Variants in ZNF518A observed in about 807,000 individuals in gnomAD.
The protein encoded by ZNF518A is zinc finger protein 518.
In ZNF518A, 47 loss-of-function variants were observed where a neutral mutation model predicts 102.7. The ratio of observed to expected loss-of-function variants is 0.46; its 90% CI spans 0.36 to 0.58. The LOEUF is 0.58. Among genes scored for constraint, ZNF518A ranks in the 20% least tolerant of loss-of-function variants. The pLI, the probability that ZNF518A is intolerant of heterozygous loss-of-function variation, is 0.00. For synonymous variants in ZNF518A, 652 were observed against 594.6 expected, an observed-to-expected ratio of 1.10 and a Z score of -1.40; for missense variants, 1,793 against 1,699.8, an observed-to-expected ratio of 1.05 and a Z score of -0.96.
chr10:96,159,657 C>A lies in ZNF518A; in HGVS notation c.3335C>A (p.Pro1112Gln). ...KQAVFLKCVM[P>Q]NKTELLKPKL... ...GCTGTTTTTTTAAAGTGTGTGATGCCAAATAAAACTGAGCTGCTTAAGCCC... is the reference window on the plus strand; with the variant it reads ...GCTGTTTTTTTAAAGTGTGTGATGCAAAATAAAACTGAGCTGCTTAAGCCC... The change falls in exon 6 of 6, where the codon CCA becomes CAA. Residue 1112 changes from proline (P) to glutamine (Q), a missense_variant. By Grantham distance (76) the Pro-to-Gln change is moderately conservative. Around this residue, in one of 3 missense-constraint regions of ZNF518A, gnomAD observed 1,741 missense variants for 1,622.6 expected, o/e 1.07. Transcript: ENST00000316045. 1.2e-6 allele frequency: 2 copies of A among 1,613,522 alleles called. No individual in the cohort carries two copies. Among genetic ancestry groups the A allele is most frequent in the Non-Finnish European group, 1.7e-6 (2 of 1,179,764 alleles).
At chr10:96,134,699 A>G (rs17476713) in intron 3 of ZNF518A, among the ~76,000 whole-genome samples, 7,756 of 152,246 alleles carry the variant, frequency 0.051, 274 homozygotes, top group Middle Eastern at 0.085. Context: ...TATCTTGAAA[A>G]CTTGTGAGCA....
At chr10:96,135,614 G>A (rs1554874165) in intron 3 of ZNF518A, among the ~76,000 whole-genome samples, 1 of 152,132 alleles carries the variant, frequency 6.6e-6, no homozygotes, top group African/African-American at 2.4e-5. Flanking sequence ...GCCTGGATAG[G>A]CAAGATTATA....
exon 3 of ZNF518A, chr10:96,204,017 G>A (rs963592131): frequency 1.0e-5 from 16 of 1,578,854 alleles, no homozygotes; most frequent in Admixed American, 3.3e-5. Flanking sequence ...ATCCAGCCTC[G>A]ACCACTCCCT....
chr10:96,202,703 G>A (rs1278219436), intron 1 of ZNF518A, among the ~76,000 whole-genome samples: 1 of 152,202 alleles, frequency 6.6e-6, no homozygotes, highest in Non-Finnish European at 1.5e-5. Flanking sequence ...TCCCAGGTGA[G>A]AGCAGCAAAG....
Position 96,158,480 on chromosome 10 carries a change from T to C in ZNF518A, c.2158T>C (p.Tyr720His). The C allele has an allele frequency of 1.2e-6, 2 of 1,612,722 alleles. No homozygotes were observed. The highest frequency in any genetic ancestry group is 4.5e-5 in the East Asian group (2 of 44,872). The part of the protein sequence containing the change: ...LKAKSEIEEQ[Y>H]VLEKGQNIDG... Reference sequence around the variant, plus strand: ...AGCAAAATCTGAAATTGAAGAACAGTATGTTTTAGAAAAAGGACAAAACAT... The same window carrying C: ...AGCAAAATCTGAAATTGAAGAACAGCATGTTTTAGAAAAAGGACAAAACAT... The change falls in exon 6 of 6, where the codon TAT becomes CAT. Residue 720 changes from tyrosine to histidine, a missense_variant. Physicochemically the swap from Tyr to His is moderately conservative, Grantham distance 83. Around this residue, in one of 3 missense-constraint regions of ZNF518A, gnomAD observed 1,741 missense variants for 1,622.6 expected, o/e 1.07. Coordinates refer to ENST00000316045, the MANE Select transcript of ZNF518A (RefSeq NM_001330736.2).
downstream of ZNF518A, among the ~76,000 whole-genome samples, chr10:96,165,663 C>T (rs1197655718): frequency 6.6e-6 from 1 of 152,134 alleles, no homozygotes; most frequent in Non-Finnish European, 1.5e-5. Context: ...GTGGTTTGGG[C>T]ATTCACTGAA....
chr10:96,155,534 C>T (rs905897834), intron 4 of ZNF518A, 158 bp downstream of exon 4: 2 of 152,204 alleles, frequency 1.3e-5, no homozygotes, highest in Non-Finnish European at 2.9e-5. Flanking sequence ...GACTTTAGGA[C>T]TACACTAGGG....
intron 4 of ZNF518A, 115 bp downstream of exon 4, chr10:96,155,491 A>G (rs2082655966): frequency 6.6e-6 from 1 of 152,226 alleles, no homozygotes; most frequent in Non-Finnish European, 1.5e-5. Context: ...TATAGCCAAA[A>G]TGGTAGGGAA....
At chr10:96,196,834 C>T in intron 1 of ZNF518A, 1 of 1,429,398 alleles carries the variant, frequency 7.0e-7, no homozygotes, top group Non-Finnish European at 9.8e-7. Flanking sequence ...TCATCTCTAG[C>T]ATCTAATACA....
chr10:96,163,826 C>G (rs1196920731), downstream of ZNF518A: 7 of 166,692 alleles, frequency 4.2e-5, no homozygotes, highest in African/African-American at 1.7e-4. Flanking sequence ...TCCCTAGAGT[C>G]TGCTTTCAGA....
intron 3 of ZNF518A, among the ~76,000 whole-genome samples, chr10:96,140,883 A>G (rs79967553): frequency 1.3e-3 from 204 of 152,232 alleles, no homozygotes; most frequent in African/African-American, 4.7e-3. Context: ...CGAGGCTGTA[A>G]TGAGCCGTAA....
intron 1 of ZNF518A, among the ~76,000 whole-genome samples, chr10:96,181,441 A>T (rs1178209911): frequency 6.6e-6 from 1 of 152,114 alleles, no homozygotes; most frequent in African/African-American, 2.4e-5. Context: ...CCTGAATGGT[A>T]TTGCCTAGGT....
At chr10:96,197,210 G>A (rs781837707) in intron 1 of ZNF518A, 135 of 618,046 alleles carry the variant, frequency 2.2e-4, no homozygotes, top group Non-Finnish European at 2.8e-4. Flanking sequence ...ATTAGCGCTT[G>A]TCTTCTTATT....
chr10:96,138,476 T>A (rs2081733792), intron 3 of ZNF518A, among the ~76,000 whole-genome samples: 1 of 152,204 alleles, frequency 6.6e-6, no homozygotes, highest in African/African-American at 2.4e-5. Flanking sequence ...GATTGTTGGC[T>A]TCCTCAGCTC....
chr10:96,141,109 G>T (rs782375560), intron 3 of ZNF518A, among the ~76,000 whole-genome samples: 1 of 152,190 alleles, frequency 6.6e-6, no homozygotes, highest in Non-Finnish European at 1.5e-5. Context: ...AGAATGAATA[G>T]CTTAAAAATA....
intron 1 of ZNF518A, among the ~76,000 whole-genome samples, chr10:96,194,332 T>C (rs1203830944): frequency 6.6e-6 from 1 of 151,834 alleles, no homozygotes. Context: ...GATTCAAGAG[T>C]TTTGCATTTT....
At chr10:96,202,244 G>T (rs1195869089) in intron 1 of ZNF518A, among the ~76,000 whole-genome samples, 1 of 152,134 alleles carries the variant, frequency 6.6e-6, no homozygotes, top group African/African-American at 2.4e-5. Context: ...TTGAACAGGG[G>T]GGTAACATGA....
chr10:96,140,311 G>A (rs2081852530), intron 3 of ZNF518A, among the ~76,000 whole-genome samples: 1 of 152,158 alleles, frequency 6.6e-6, no homozygotes, highest in South Asian at 2.1e-4. Flanking sequence ...TCCAGGGAGT[G>A]TAACTTCTAA....
rs977660872 is a variant in ZNF518A, at chr10:96,200,567, C to T, written n.36-3007C>T. On this transcript the variant is annotated intron_variant and non_coding_transcript_variant, in intron 1 of 2. Coordinates refer to the ZNF518A transcript ENST00000442635. This position sits in a 1 kb window ranked among gnomAD's most constrained non-coding sequence, Gnocchi z 4.3. ...GACACATGCTATTATCCGTATTTTACATTTTTACATATATTTGTATGGAAA... is the reference window on the plus strand; with the variant it reads ...GACACATGCTATTATCCGTATTTTATATTTTTACATATATTTGTATGGAAA... Among the ~76,000 whole-genome samples, 1 of 152,184 alleles carries T rather than the reference C, an allele frequency of 6.6e-6. No homozygotes were observed. Among genetic ancestry groups the T allele is most frequent in the African/African-American group, 2.4e-5 (1 of 41,442 alleles).
Sources: gnomAD v4.1 joint callset for allele counts (sites outside exome capture counted in the v4.1 genomes callset) on GRCh38, gnomAD v4.1.1 for gene constraint, gnomAD v4.1.1 regional missense constraint, Gnocchi (gnomAD v3.1) non-coding constraint, MANE v1.5 for transcripts, NCBI Gene and HGNC (gene_info 2026-07-23, HGNC 2026-07-21) for gene names.